The following MCTP2 variants were observed in gnomAD, a reference collection of about 807,000 sequenced individuals.
The protein encoded by MCTP2 is multiple C2 and transmembrane domain containing 2, also known as multiple C2 and transmembrane domain-containing protein 2.
In MCTP2, 132 loss-of-function variants were observed where a neutral mutation model predicts 111.6. The observed-to-expected ratio is 1.18, with a 90% confidence interval of 1.03 to 1.37. The LOEUF (loss-of-function observed/expected upper bound fraction) is 1.37, where lower values mean the gene tolerates loss of function less well. MCTP2 is among the 40% of genes most tolerant of loss of function. MCTP2 has a pLI of 0.00. For synonymous variants in MCTP2, 395 were observed against 387.7 expected (o/e 1.02, Z -0.22); for missense variants, 1,183 against 1,067.9 (o/e 1.11, Z -1.50).
intron 4 of MCTP2, among the ~76,000 whole-genome samples, chr15:94,329,473 G>C (rs2892588): frequency 0.5 from 75,897 of 151,954 alleles, 18,995 homozygotes; most frequent in Admixed American, 0.55. Flanking sequence ...GAGGAGCTTA[G>C]AATCATGGCT....
At chr15:94,291,055 C>T (rs2075007506) in intron 1 of MCTP2, among the ~76,000 whole-genome samples, 1 of 152,200 alleles carries the variant, frequency 6.6e-6, no homozygotes, top group African/African-American at 2.4e-5. Context: ...CAATACTCCA[C>T]TCAACCATAG....
At chr15:94,233,283 A>G (rs112407336) in intron 1 of MCTP2, among the ~76,000 whole-genome samples, 1 of 152,060 alleles carries the variant, frequency 6.6e-6, no homozygotes, top group Non-Finnish European at 1.5e-5. Context: ...GTGTCTTAAC[A>G]TATTTTGAAA....
chr15:94,269,861 G>A (rs1242625112), intron 1 of MCTP2, among the ~76,000 whole-genome samples: 5 of 152,028 alleles, frequency 3.3e-5, no homozygotes, highest in African/African-American at 9.7e-5. Flanking sequence ...ATATTTAGCC[G>A]TGATACTGTT....
intron 1 of MCTP2, among the ~76,000 whole-genome samples, chr15:94,248,892 C>T (rs1259479861): frequency 6.6e-6 from 1 of 152,120 alleles, no homozygotes; most frequent in East Asian, 1.9e-4. Context: ...TTGATTAACT[C>T]AATATGGAAC....
chr15:94,268,023 A>G (rs1462524926), intron 1 of MCTP2, among the ~76,000 whole-genome samples: 18 of 149,362 alleles, frequency 1.2e-4, no homozygotes, highest in Non-Finnish European at 5.9e-5. Context: ...CCGCCACCAC[A>G]CCTGGCTAAT....
chr15:94,366,881 T>A (rs1015380402), intron 10 of MCTP2, among the ~76,000 whole-genome samples: 2 of 152,192 alleles, frequency 1.3e-5, no homozygotes, highest in Non-Finnish European at 2.9e-5. Flanking sequence ...TTTGCTTCTG[T>A]ATTTAAATGT....
chr15:94,301,332 C>T (rs745663221), intron 2 of MCTP2, among the ~76,000 whole-genome samples: 20 of 152,158 alleles, frequency 1.3e-4, no homozygotes, highest in Non-Finnish European at 2.5e-4. Context: ...CCCTCCTCAC[C>T]GGCTCCTCCC....
chr15:94,477,056 C>G (rs894817371), intron 22 of MCTP2, among the ~76,000 whole-genome samples: 3 of 152,272 alleles, frequency 2.0e-5, no homozygotes, highest in Non-Finnish European at 2.9e-5. Flanking sequence ...GATGCTTGTC[C>G]CCTTTCGATT....
In MCTP2 at chr15:94,401,994, C is replaced by T. The variant is rs1204745234; in HGVS notation, c.2060C>T (p.Thr687Ile). The T allele has an allele frequency of 1.2e-5, 19 of 1,613,346 alleles. No homozygotes were observed. Among genetic ancestry groups the T allele is most frequent in the Non-Finnish European group, 1.6e-5 (19 of 1,179,684 alleles). ...AAAAGCTGCTTCCAGTGGGAATCCA[C>T]ATTAAGAAGTACAATAGCATTCGCG... ...FLKSCFQWES[T>I]LRSTIAFAVF... The change falls in exon 17 of 23, where the codon ACA becomes ATA. Residue 687 changes from threonine to isoleucine, a missense_variant. Coordinates refer to ENST00000357742, the MANE Select transcript of MCTP2 (RefSeq NM_001385001.1).
intron 2 of MCTP2, among the ~76,000 whole-genome samples, chr15:94,304,155 C>G (rs550032760): frequency 3.3e-5 from 5 of 152,292 alleles, no homozygotes; most frequent in African/African-American, 1.2e-4. Flanking sequence ...ACTTTGAAGA[C>G]TCTAGGCCAG....
chr15:94,320,211 C>T (rs1009853270), intron 4 of MCTP2, among the ~76,000 whole-genome samples: 1 of 148,734 alleles, frequency 6.7e-6, no homozygotes, highest in South Asian at 2.1e-4. Flanking sequence ...GGCACAGACT[C>T]GGCTCACTGC....
chr15:94,360,261 G>A (rs574756590), intron 10 of MCTP2, among the ~76,000 whole-genome samples: 3 of 152,280 alleles, frequency 2.0e-5, no homozygotes, highest in East Asian at 3.9e-4. Context: ...AGCCAGGTTT[G>A]CATTTAGGAG....
At chr15:94,347,549 C>A (rs888447849) in intron 8 of MCTP2, among the ~76,000 whole-genome samples, 5 of 151,828 alleles carry the variant, frequency 3.3e-5, no homozygotes, top group Admixed American at 3.3e-4. Flanking sequence ...TCTTACTGTT[C>A]GGCCCTGGAT....
At chr15:94,339,692 G>A (rs2077535865) in intron 5 of MCTP2, among the ~76,000 whole-genome samples, 2 of 152,154 alleles carry the variant, frequency 1.3e-5, no homozygotes, top group South Asian at 4.1e-4. Flanking sequence ...TACTGGTACT[G>A]CAGTGGTGAC....
At chr15:94,473,968 TA>T (rs1405083201) in intron 21 of MCTP2, among the ~76,000 whole-genome samples, 3 of 142,084 alleles carry the variant, frequency 2.1e-5, no homozygotes, top group Non-Finnish European at 3.1e-5. Context: ...TTTTTTTTTT[TA>T]AACTGTAGGG....
intron 17 of MCTP2, among the ~76,000 whole-genome samples, chr15:94,416,246 TAGA>T (rs1270501597): frequency 6.6e-6 from 1 of 152,064 alleles, no homozygotes; most frequent in Non-Finnish European, 1.5e-5. Flanking sequence ...CTGATGGGTG[TAGA>T]AGGATTTTTT....
chr15:94,363,170 G>A (rs1240256990), intron 10 of MCTP2, among the ~76,000 whole-genome samples: 1 of 152,100 alleles, frequency 6.6e-6, no homozygotes, highest in Admixed American at 6.6e-5. Flanking sequence ...TCATTCTTTT[G>A]TGCGTTCAGT....
chr15:94,243,642 T>C (rs796415355), intron 1 of MCTP2, among the ~76,000 whole-genome samples: 27 of 138,466 alleles, frequency 1.9e-4, no homozygotes, highest in African/African-American at 6.5e-4. Context: ...CGTATATACA[T>C]ATATATGTAT....
intron 1 of MCTP2, among the ~76,000 whole-genome samples, chr15:94,280,336 G>A (rs796937760): frequency 9.2e-5 from 14 of 151,382 alleles, no homozygotes; most frequent in African/African-American, 3.4e-4. Flanking sequence ...TTCAATCTTG[G>A]GAGGCTGTAT....
Sources: gnomAD v4.1 joint callset for allele counts (sites outside exome capture counted in the v4.1 genomes callset) on GRCh38, gnomAD v4.1.1 for gene constraint, MANE v1.5 for transcripts, NCBI Gene and HGNC (gene_info 2026-07-23, HGNC 2026-07-21) for gene names.